ENTREP2: variants seen among roughly 807,000 people sequenced by gnomAD.
ENTREP2 encodes the protein endosomal transmembrane epsin interactor 2.
At chr15:29,502,506 T>A in the ENTREP2 span, among the ~76,000 whole-genome samples, 1 of 151,832 alleles carries the variant, frequency 6.6e-6, no homozygotes, top group Admixed American at 6.6e-5. Flanking sequence ...AGCATAGATA[T>A]AAATCTGTGC....
At chr15:29,637,244 G>A in the ENTREP2 span, among the ~76,000 whole-genome samples, 1 of 152,308 alleles carries the variant, frequency 6.6e-6, no homozygotes, top group Admixed American at 6.5e-5. Context: ...TACAATGTCA[G>A]TAAATCATTT....
At chr15:29,303,581 T>C in the ENTREP2 span, among the ~76,000 whole-genome samples, 1 of 152,134 alleles carries the variant, frequency 6.6e-6, no homozygotes, top group Admixed American at 6.5e-5. Flanking sequence ...GCAGGTTATT[T>C]TGTCACCCAG....
At chr15:29,654,160 A>G in the ENTREP2 span, among the ~76,000 whole-genome samples, 1 of 152,216 alleles carries the variant, frequency 6.6e-6, no homozygotes, top group Non-Finnish European at 1.5e-5. Flanking sequence ...TGAGAAACTG[A>G]TCAGGTTTTC....
the ENTREP2 span, among the ~76,000 whole-genome samples, chr15:29,548,387 C>CA: frequency 6.8e-6 from 1 of 146,524 alleles, no homozygotes; most frequent in Non-Finnish European, 1.5e-5. Context: ...ACTTGGGAGA[C>CA]AGAGGTGCAG....
At chr15:29,238,800 C>T in the ENTREP2 span, among the ~76,000 whole-genome samples, 3 of 152,038 alleles carry the variant, frequency 2.0e-5, no homozygotes, top group African/African-American at 7.2e-5. Context: ...CAGAGAGGAG[C>T]GAGGTGCTAC....
the ENTREP2 span, among the ~76,000 whole-genome samples, chr15:29,363,026 A>G: frequency 6.6e-6 from 1 of 152,176 alleles, no homozygotes; most frequent in African/African-American, 2.4e-5. Context: ...GGGATACTTA[A>G]GCTGCTTTAT....
the ENTREP2 span, among the ~76,000 whole-genome samples, chr15:29,525,830 T>C: frequency 6.6e-6 from 1 of 152,154 alleles, no homozygotes; most frequent in African/African-American, 2.4e-5. Context: ...GATACATGTA[T>C]TACAATTCTC....
the ENTREP2 span, among the ~76,000 whole-genome samples, chr15:29,253,951 C>G: frequency 6.6e-6 from 1 of 152,054 alleles, no homozygotes; most frequent in Admixed American, 6.5e-5. Flanking sequence ...ATACTTGACT[C>G]TTTCTGTTCA....
the ENTREP2 span, among the ~76,000 whole-genome samples, chr15:29,356,287 TATATATATA>T: frequency 7.3e-3 from 436 of 59,386 alleles, 6 homozygotes; most frequent in African/African-American, 0.011. Context: ...TATATATATA[TATATATATA>T]TTTTTTTTTT....
chr15:29,179,800 T>C, the ENTREP2 span, among the ~76,000 whole-genome samples: 1 of 151,980 alleles, frequency 6.6e-6, no homozygotes, highest in East Asian at 1.9e-4. Flanking sequence ...TTAGCCAGGA[T>C]GGTCTCGATC....
At chr15:29,218,283 A>AC in the ENTREP2 span, among the ~76,000 whole-genome samples, 1 of 152,006 alleles carries the variant, frequency 6.6e-6, no homozygotes, top group African/African-American at 2.4e-5. Flanking sequence ...GTGGAGAGGA[A>AC]CCTACGGTGG....
chr15:29,558,854 C>CT, the ENTREP2 span, among the ~76,000 whole-genome samples: 2 of 150,452 alleles, frequency 1.3e-5, no homozygotes, highest in Non-Finnish European at 3.0e-5. Flanking sequence ...TTTTCTCTTC[C>CT]CTATGATTTT....
chr15:29,643,729 C>T, the ENTREP2 span, among the ~76,000 whole-genome samples: 1 of 144,106 alleles, frequency 6.9e-6, no homozygotes, highest in African/African-American at 2.6e-5. Flanking sequence ...TGCAGTGAGC[C>T]AAGATGGGGC....
chr15:29,493,043 T>C, the ENTREP2 span, among the ~76,000 whole-genome samples: 3 of 148,538 alleles, frequency 2.0e-5, no homozygotes, highest in Non-Finnish European at 4.5e-5. Flanking sequence ...TTATTTTAAA[T>C]AACAGTGACT....
chr15:29,644,419 T>C, the ENTREP2 span, among the ~76,000 whole-genome samples: 1 of 152,232 alleles, frequency 6.6e-6, no homozygotes, highest in Admixed American at 6.5e-5. Context: ...AGTATATAAA[T>C]GATATCTCAA....
chr15:29,274,379 A>G, the ENTREP2 span, among the ~76,000 whole-genome samples: 1 of 152,354 alleles, frequency 6.6e-6, no homozygotes, highest in East Asian at 1.9e-4. Context: ...AACACAGCCA[A>G]TCTGCCTCCA....
chr15:29,479,684 TACAC>T, the ENTREP2 span, among the ~76,000 whole-genome samples: 1,922 of 148,202 alleles, frequency 0.013, 34 homozygotes, highest in African/African-American at 0.042. Context: ...CACACATACA[TACAC>T]ACACACACAC....
chr15:29,393,136 G>T, the ENTREP2 span, among the ~76,000 whole-genome samples: 13,281 of 152,200 alleles, frequency 0.087, 792 homozygotes, highest in African/African-American at 0.15. Flanking sequence ...GTCCCAGGAG[G>T]GTATCAAAGT....
chr15:29,466,378 CCCCAGGAGAGAG>C, the ENTREP2 span, among the ~76,000 whole-genome samples: 1 of 152,286 alleles, frequency 6.6e-6, no homozygotes, highest in Non-Finnish European at 1.5e-5. Context: ...ACACTGCAGC[CCCCAGGAGAGAG>C]CCCAGGAGAG....
Sources: allele counts gnomAD v4.1 joint callset (sites outside exome capture counted in the v4.1 genomes callset), GRCh38; gene constraint gnomAD v4.1.1; transcripts MANE v1.5; gene names NCBI Gene and HGNC (gene_info 2026-07-23, HGNC 2026-07-21).